SYNE2: variants seen among roughly 807,000 people sequenced by gnomAD.
The protein encoded by SYNE2 is spectrin repeat containing nuclear envelope protein 2.
SYNE2 carries 431 observed loss-of-function variants against 856.3 expected under a neutral mutation model. That is an observed-to-expected ratio of 0.50 (90% confidence interval 0.47 to 0.55). The LOEUF (loss-of-function observed/expected upper bound fraction) is 0.55. Ranked by LOEUF, SYNE2 falls within the 20% of genes least tolerant of loss-of-function variation. The probability of loss-of-function intolerance (pLI) is 0.00; values close to 1 mark genes in which losing one functional copy is unlikely to be tolerated. For missense variants in SYNE2, 8,129 were observed against 8,023.2 expected, an observed-to-expected ratio of 1.01 and a Z score of -0.50; for synonymous variants, 2,923 against 2,872.3, an observed-to-expected ratio of 1.02 and a Z score of -0.56.
intron 6 of SYNE2, among the ~76,000 whole-genome samples, chr14:63,945,595 G>GT (rs572922861): frequency 6.6e-6 from 1 of 152,114 alleles, no homozygotes; most frequent in Non-Finnish European, 1.5e-5. Flanking sequence ...TTTGCTGCCA[G>GT]TTTTTTTATT....
intron 48 of SYNE2, among the ~76,000 whole-genome samples, chr14:64,054,206 T>C (rs1030620694): frequency 9.9e-5 from 15 of 152,202 alleles, no homozygotes; most frequent in African/African-American, 3.6e-4. Flanking sequence ...CTGACTCTTA[T>C]TTCTGTTTTC....
At chr14:64,109,332 ATGGGCCAGGTAC>A (rs2097790704) in intron 65 of SYNE2, among the ~76,000 whole-genome samples, 1 of 151,770 alleles carries the variant, frequency 6.6e-6, no homozygotes, top group Non-Finnish European at 1.5e-5. Flanking sequence ...AACATTTAAT[ATGGGCCAGGTAC>A]TGGGATTTTA....
At position 64,097,903 on chromosome 14, in the gene SYNE2, G is replaced by A. The variant is rs755306855; in HGVS notation, c.12109-46G>A. The A allele has an allele frequency of 4.4e-6, 7 of 1,598,360 alleles. No individual in the cohort carries two copies. The African/African-American group carries it at 9.4e-5, about 21-fold the overall frequency. Reference sequence around the variant, plus strand: ...GGAAGCAGGCTGCTCTGGGCCTGCAGAGGCCTCAGACTTCTCAAACCTATG... The same window carrying A: ...GGAAGCAGGCTGCTCTGGGCCTGCAAAGGCCTCAGACTTCTCAAACCTATG... On this transcript the variant is annotated intron_variant, in intron 61 of 115. Coordinates refer to ENST00000555002, the MANE Select transcript of SYNE2 (RefSeq NM_182914.3).
chr14:64,209,225 T>C (rs928525786), intron 101 of SYNE2: 4 of 945,744 alleles, frequency 4.2e-6, no homozygotes, highest in South Asian at 1.7e-5. Context: ...TCCTGGTTTT[T>C]TAACCTCTGT....
chr14:63,861,172 T>A (rs550603094), intron 1 of SYNE2, among the ~76,000 whole-genome samples: 1 of 142,902 alleles, frequency 7.0e-6, no homozygotes, highest in African/African-American at 2.7e-5. Flanking sequence ...TGAGACGGAG[T>A]CTTACTCTGT....
intron 1 of SYNE2, among the ~76,000 whole-genome samples, chr14:63,788,022 TC>T (rs1484532379): frequency 6.6e-6 from 1 of 152,110 alleles, no homozygotes; most frequent in Non-Finnish European, 1.5e-5. Flanking sequence ...CCCCTTGGCT[TC>T]CCCTCTCACG....
chr14:64,025,141 A>G lies in SYNE2; in HGVS notation c.5972A>G (p.Glu1991Gly). Reference sequence around the variant, plus strand: ...TTTGGAATTTACAGGGAACAGTTTGAATCTGTGGCCCAATTGAACAACTCT... The same window carrying G: ...TTTGGAATTTACAGGGAACAGTTTGGATCTGTGGCCCAATTGAACAACTCT... ...QALARKREQF[E>G]SVAQLNNSLK... The change falls in exon 41 of 116, where the codon GAA becomes GGA. Residue 1991 changes from glutamate (E) to glycine (G), a missense_variant. Coordinates refer to ENST00000555002, the MANE Select transcript of SYNE2 (RefSeq NM_182914.3). 1.2e-6 allele frequency: 2 copies of G among 1,614,126 alleles called. No individual in the cohort carries two copies. Among genetic ancestry groups the G allele is most frequent in the Non-Finnish European group, 1.7e-6 (2 of 1,179,986 alleles).
Position 64,192,627 on chromosome 14 carries a change from G to A in SYNE2, c.18038+2390G>A, listed in dbSNP as rs150698581. Among the ~76,000 whole-genome samples the A allele has an allele frequency of 2.2e-4, 34 of 152,234 alleles. 1 individual carries two copies. The highest frequency in any genetic ancestry group is 7.5e-4 in the African/African-American group (31 of 41,524). On this transcript the variant is annotated intron_variant, in intron 99 of 115. Transcript: ENST00000555002. The stretch of plus-strand genomic sequence containing the variant: ...ATTCTTAACAATATGCCTTTTATGT[G>A]TGATTTCACTTAAACTTCACTGTGA...
chr14:64,004,315 T>C (rs2096778717), intron 30 of SYNE2, among the ~76,000 whole-genome samples: 1 of 151,744 alleles, frequency 6.6e-6, no homozygotes, highest in South Asian at 2.1e-4. Context: ...ATTACAGGTG[T>C]GAGCCACCGT....
At chr14:64,046,537 C>T (rs2097187449) in intron 45 of SYNE2, among the ~76,000 whole-genome samples, 1 of 152,080 alleles carries the variant, frequency 6.6e-6, no homozygotes, top group Admixed American at 6.6e-5. Flanking sequence ...ATTTTTTGTA[C>T]AGATGGGGTT....
chr14:64,224,312 C>T (rs1383060335), intron 113 of SYNE2, 149 bp from the exon 114 acceptor site: 6 of 761,734 alleles, frequency 7.9e-6, no homozygotes, highest in East Asian at 7.7e-5. Flanking sequence ...GATTGTGCCA[C>T]TGCACTCCAG....
intron 92 of SYNE2, among the ~76,000 whole-genome samples, 181 bp from the exon 93 acceptor site, chr14:64,168,696 A>G (rs756572059): frequency 2.6e-5 from 4 of 152,204 alleles, no homozygotes; most frequent in Non-Finnish European, 5.9e-5. Context: ...TGCTTTTAAG[A>G]ATATATTCGT....
chr14:64,040,701 G>T (rs2097142267), intron 45 of SYNE2, among the ~76,000 whole-genome samples: 1 of 146,736 alleles, frequency 6.8e-6, no homozygotes, highest in African/African-American at 2.5e-5. Context: ...ATATATATAT[G>T]GCAGAAAATA....
chr14:64,030,607 C>T (rs1237641271), intron 44 of SYNE2, among the ~76,000 whole-genome samples: 1 of 152,262 alleles, frequency 6.6e-6, no homozygotes, highest in East Asian at 1.9e-4. Context: ...CAAAGTTTTG[C>T]TCTGAATTTT....
intron 92 of SYNE2, 105 bp downstream of exon 92, chr14:64,167,744 C>T (rs2098388718): frequency 8.1e-6 from 12 of 1,485,238 alleles, no homozygotes; most frequent in Non-Finnish European, 1.0e-5. Context: ...AGTCCCTAAA[C>T]ACAGAATGTA....
chr14:64,038,553 T>C (rs971173019), intron 45 of SYNE2, among the ~76,000 whole-genome samples: 7 of 152,142 alleles, frequency 4.6e-5, no homozygotes, highest in Admixed American at 1.3e-4. Flanking sequence ...CTGGGCACCA[T>C]TGAGCACCGA....
chr14:63,849,924 G>A (rs185239526), upstream of SYNE2, among the ~76,000 whole-genome samples: 337 of 152,262 alleles, frequency 2.2e-3, 1 homozygote, highest in Middle Eastern at 0.01. Context: ...TGTGTACCAA[G>A]TCACAGATGT....
rs1360977780 is a variant in SYNE2, at chr14:64,218,429, G to A, written c.19574G>A (p.Gly6525Asp). The change falls in exon 109 of 116, where the codon GGT becomes GAT. Residue 6525 changes from glycine to aspartate, a missense_variant. Transcript: ENST00000555002. The part of the protein sequence containing the change: ...GKLLLPPGTD[G>D]GKEGPRVLNG... ...CTACTATTACCTCCAGGCACGGATGGTGGCAAAGAAGGCCCGCGAGTCCTG... is the reference window on the plus strand; with the variant it reads ...CTACTATTACCTCCAGGCACGGATGATGGCAAAGAAGGCCCGCGAGTCCTG... The A allele has an allele frequency of 6.2e-7, 1 of 1,613,986 alleles. No homozygotes were observed. Among genetic ancestry groups the A allele is most frequent in the East Asian group, 2.2e-5 (1 of 44,898 alleles).
Position 64,090,850 on chromosome 14 carries a change from C to T in SYNE2, c.11794-16C>T. ...GTCTTTTCATTTCTGTAACATGCTC[C>T]TCTTATATAATTAAGGTCATACTTG... On this transcript the variant is annotated splice_polypyrimidine_tract_variant and intron_variant, in intron 59 of 115. Transcript: ENST00000555002. 2 of 1,609,714 alleles carry T rather than the reference C, an allele frequency of 1.2e-6. No individual in the cohort carries two copies. The highest frequency in any genetic ancestry group is 4.5e-5 in the East Asian group (2 of 44,844).
Sources: allele counts gnomAD v4.1 joint callset (sites outside exome capture counted in the v4.1 genomes callset), GRCh38; gene constraint gnomAD v4.1.1; transcripts MANE v1.5; gene names NCBI Gene and HGNC (gene_info 2026-07-23, HGNC 2026-07-21).